The following WDR41 variants were observed in gnomAD, a reference collection of about 807,000 sequenced individuals.
WDR41 encodes the protein WD repeat-containing protein 41.
Under a neutral mutation model 69.3 loss-of-function variants are expected in WDR41, and 63 were observed. That is an observed-to-expected ratio of 0.91 (90% CI 0.74 to 1.12). The LOEUF (loss-of-function observed/expected upper bound fraction) is 1.12, where lower values mean the gene tolerates loss of function less well. Ranked by LOEUF, WDR41 falls within the 50% of genes most tolerant of loss-of-function variation. WDR41 has a pLI of 0.00. For synonymous variants in WDR41, 185 were observed against 192.1 expected (o/e 0.96, Z 0.31); for missense variants, 543 against 534.5 (o/e 1.02, Z -0.16).
chr5:77,521,084 C>G (rs1157749939), intron 1 of WDR41, among the ~76,000 whole-genome samples: 1 of 152,132 alleles, frequency 6.6e-6, no homozygotes, highest in Non-Finnish European at 1.5e-5. Context: ...ACCCTTGTCT[C>G]CTAAGGTTCC....
chr5:77,518,281 C>A (rs1286528606), intron 1 of WDR41, among the ~76,000 whole-genome samples: 1 of 151,908 alleles, frequency 6.6e-6, no homozygotes, highest in Non-Finnish European at 1.5e-5. Flanking sequence ...TTATGGTGTA[C>A]CTATGCTGTC....
intron 1 of WDR41, 103 bp from the exon 2 acceptor site, chr5:77,489,675 G>T: frequency 1.7e-6 from 1 of 587,794 alleles, no homozygotes. Context: ...ATACATCTGA[G>T]AACACAAGAT....
chr5:77,578,017 A>G (rs938167738), intron 1 of WDR41, among the ~76,000 whole-genome samples: 1 of 152,198 alleles, frequency 6.6e-6, no homozygotes, highest in African/African-American at 2.4e-5. Context: ...CGAAAATGAA[A>G]AACAGAATGG....
At chr5:77,451,671 A>G (rs1326939087) in intron 6 of WDR41, 2 of 213,238 alleles carry the variant, frequency 9.4e-6, no homozygotes, top group Middle Eastern at 1.8e-3. Context: ...TAAGATAATC[A>G]CCATCACCCA....
At chr5:77,473,724 G>A (rs1800743702) in intron 2 of WDR41, among the ~76,000 whole-genome samples, 1 of 152,172 alleles carries the variant, frequency 6.6e-6, no homozygotes, top group Non-Finnish European at 1.5e-5. Context: ...TCAGAGAAAT[G>A]CAAATCAAAA....
At chr5:77,580,552 A>G (rs189214434) in intron 1 of WDR41, among the ~76,000 whole-genome samples, 15 of 144,590 alleles carry the variant, frequency 1.0e-4, no homozygotes, top group Admixed American at 2.2e-4. Context: ...TCAAAAAATT[A>G]CAAGAAAATA....
At chr5:77,619,667 A>G (rs1279158595) in intron 1 of WDR41, among the ~76,000 whole-genome samples, 4 of 152,228 alleles carry the variant, frequency 2.6e-5, no homozygotes, top group Non-Finnish European at 5.9e-5. Context: ...AACTCAGGGC[A>G]GGATATTACA....
chr5:77,497,374 T>C (rs1344722486), intron 1 of WDR41, among the ~76,000 whole-genome samples: 1 of 152,102 alleles, frequency 6.6e-6, no homozygotes, highest in Non-Finnish European at 1.5e-5. Flanking sequence ...CTGTAATATA[T>C]AAACATCTCC....
chr5:77,525,816 A>G (rs1438632332), intron 1 of WDR41, among the ~76,000 whole-genome samples: 1 of 152,202 alleles, frequency 6.6e-6, no homozygotes, highest in Non-Finnish European at 1.5e-5. Flanking sequence ...CTTAGAAACA[A>G]AAAAATAGCC....
At chr5:77,574,517 TA>T (rs1300384349) in intron 1 of WDR41, among the ~76,000 whole-genome samples, 1 of 152,150 alleles carries the variant, frequency 6.6e-6, no homozygotes, top group East Asian at 1.9e-4. Context: ...TTTTTATGTA[TA>T]TTTTTTTCAT....
chr5:77,434,738 A>G (rs1798874055), intron 12 of WDR41, among the ~76,000 whole-genome samples: 1 of 152,124 alleles, frequency 6.6e-6, no homozygotes, highest in African/African-American at 2.4e-5. Flanking sequence ...TGACACTGCA[A>G]AGATAGCCTA....
chr5:77,463,287 A>C, intron 3 of WDR41, 61 bp from the exon 4 acceptor site: 6 of 1,494,588 alleles, frequency 4.0e-6, no homozygotes, highest in Non-Finnish European at 5.4e-6. Context: ...ATCATAAATG[A>C]CTACATTAAG....
Position 77,551,922 on chromosome 5 carries a change from C to T in WDR41, c.43-62350G>A, listed in dbSNP as rs530995475. 2.6e-3 allele frequency among the ~76,000 whole-genome samples: 376 copies of T among 147,436 alleles called. 4 individuals carry two copies. The highest frequency in any genetic ancestry group is 9.2e-3 in the African/African-American group (364 of 39,740). On this transcript the variant is annotated intron_variant, in intron 1 of 5. Coordinates refer to the WDR41 transcript ENST00000509971. Reference sequence around the variant, plus strand: ...TGAACTAGGGAGGCGGAGGTTGCAGCGAGCCGAGATCGTGCCACTGCACTC... The same window carrying T: ...TGAACTAGGGAGGCGGAGGTTGCAGTGAGCCGAGATCGTGCCACTGCACTC...
intron 9 of WDR41, 81 bp from the exon 10 acceptor site, chr5:77,438,442 A>G: frequency 1.3e-6 from 2 of 1,552,856 alleles, no homozygotes; most frequent in South Asian, 1.2e-5. Flanking sequence ...CTCATGTGAC[A>G]TCAGAAAGCC....
At chr5:77,446,274 G>A (rs1486769316) in intron 8 of WDR41, among the ~76,000 whole-genome samples, 1 of 151,936 alleles carries the variant, frequency 6.6e-6, no homozygotes. Context: ...GGAAATGGGA[G>A]GACACATATA....
chr5:77,492,655 C>T (rs1332551839), upstream of WDR41: 1 of 170,640 alleles, frequency 5.9e-6, no homozygotes, highest in African/African-American at 2.4e-5. Flanking sequence ...GCTTTAGTAT[C>T]CTCCACTTCC....
intron 1 of WDR41, among the ~76,000 whole-genome samples, chr5:77,548,447 C>T (rs1209706499): frequency 6.6e-6 from 1 of 152,040 alleles, no homozygotes; most frequent in East Asian, 1.9e-4. Context: ...AAAAAACAAT[C>T]TCATCAAAAA....
At chr5:77,556,196 C>T (rs1010643499) in intron 1 of WDR41, among the ~76,000 whole-genome samples, 4 of 150,400 alleles carry the variant, frequency 2.7e-5, no homozygotes, top group African/African-American at 4.9e-5. Context: ...CTCCGACTCC[C>T]GGGTTCAAGC....
chr5:77,586,431 C>A (rs1744040138), intron 1 of WDR41, among the ~76,000 whole-genome samples: 1 of 152,078 alleles, frequency 6.6e-6, no homozygotes, highest in African/African-American at 2.4e-5. Context: ...TTGAGCCTCT[C>A]CAGTAATTGA....
Sources: gnomAD v4.1 joint callset for allele counts (sites outside exome capture counted in the v4.1 genomes callset) on GRCh38, gnomAD v4.1.1 for gene constraint, MANE v1.5 for transcripts, NCBI Gene and HGNC (gene_info 2026-07-23, HGNC 2026-07-21) for gene names.